Variants in PPP4R4 observed in about 807,000 individuals in gnomAD.
PPP4R4 encodes protein phosphatase 4 regulatory subunit 4.
PPP4R4 carries 70 observed loss-of-function variants against 121.8 expected under a neutral mutation model. The ratio of observed to expected loss-of-function variants is 0.57; its 90% CI spans 0.47 to 0.70. PPP4R4 has a LOEUF of 0.70. PPP4R4 is among the 30% of genes least tolerant of loss of function. The pLI, the probability that PPP4R4 is intolerant of heterozygous loss-of-function variation, is 0.00. For missense variants in PPP4R4, 875 were observed against 1,033.6 expected, an observed-to-expected ratio of 0.85 and a Z score of 2.10; for synonymous variants, 348 against 355.7, an observed-to-expected ratio of 0.98 and a Z score of 0.24.
rs781241354 is a variant in PPP4R4 at position 94,237,584 on chromosome 14, G to A, written c.751G>A (p.Val251Met). The change falls in exon 8 of 25, where the codon GTG becomes ATG. Residue 251 changes from valine (V) to methionine (M), a missense_variant. By Grantham distance (21) the Val-to-Met change is conservative. Coordinates refer to ENST00000304338, the MANE Select transcript of PPP4R4 (RefSeq NM_058237.2). ...GTGCAGGACAGAACTTACAAAAAGT[G>A]TGGTGCTCCCTGAATTAATAGAACT... ...QGIGTELTKS[V>M]VLPELIELSR... The A allele has an allele frequency of 2.5e-6, 4 of 1,612,816 alleles. No individual in the cohort carries two copies. Among genetic ancestry groups the A allele is most frequent in the African/African-American group, 1.3e-5 (1 of 75,016 alleles).
intron 2 of PPP4R4, among the ~76,000 whole-genome samples, chr14:94,185,837 CTAAGTT>C (rs760723138): frequency 4.1e-4 from 62 of 152,342 alleles, no homozygotes; most frequent in Non-Finnish European, 4.4e-4. Flanking sequence ...TTTAAATAAA[CTAAGTT>C]TATAGTTTGA....
intron 23 of PPP4R4, among the ~76,000 whole-genome samples, chr14:94,273,251 A>G (rs911366766): frequency 1.3e-5 from 2 of 152,228 alleles, no homozygotes; most frequent in African/African-American, 4.8e-5. Context: ...AGGTAGATGA[A>G]TAAACAAACT....
At chr14:94,203,077 T>C (rs890851539) in intron 2 of PPP4R4, among the ~76,000 whole-genome samples, 6 of 152,220 alleles carry the variant, frequency 3.9e-5, no homozygotes, top group African/African-American at 1.4e-4. Context: ...TTTATCCAGT[T>C]TTCCCCTATA....
At chr14:94,277,060 A>G (rs938783018) in intron 24 of PPP4R4, among the ~76,000 whole-genome samples, 2 of 152,194 alleles carry the variant, frequency 1.3e-5, no homozygotes, top group Non-Finnish European at 2.9e-5. Flanking sequence ...GCAATATGGG[A>G]GGCCGAGGCA....
chr14:94,203,244 T>C (rs968018273), intron 2 of PPP4R4, among the ~76,000 whole-genome samples: 1 of 152,216 alleles, frequency 6.6e-6, no homozygotes, highest in Admixed American at 6.5e-5. Flanking sequence ...CTGTTCTCTA[T>C]TTGCATAACT....
chr14:94,266,692 A>G (rs369373704), intron 22 of PPP4R4, among the ~76,000 whole-genome samples: 6 of 152,226 alleles, frequency 3.9e-5, no homozygotes, highest in African/African-American at 9.6e-5. Flanking sequence ...TTTCCAAGAA[A>G]ATTTTACCCA....
At chr14:94,192,281 C>A (rs1421460681) in intron 2 of PPP4R4, among the ~76,000 whole-genome samples, 1 of 151,966 alleles carries the variant, frequency 6.6e-6, no homozygotes, top group Admixed American at 6.6e-5. Flanking sequence ...TGGAAATATG[C>A]TATATTTGAA....
At chr14:94,254,978 T>C (rs1893391707) in intron 16 of PPP4R4, among the ~76,000 whole-genome samples, 1 of 152,196 alleles carries the variant, frequency 6.6e-6, no homozygotes, top group African/African-American at 2.4e-5. Flanking sequence ...TACACATTAC[T>C]TTGGTGATCT....
chr14:94,271,546 A>G (rs1894329183), intron 23 of PPP4R4, among the ~76,000 whole-genome samples: 1 of 152,232 alleles, frequency 6.6e-6, no homozygotes, highest in Admixed American at 6.5e-5. Context: ...AAACCTACAG[A>G]TAACATCACA....
intron 7 of PPP4R4, among the ~76,000 whole-genome samples, chr14:94,236,793 T>C (rs902428446): frequency 6.6e-6 from 1 of 152,142 alleles, no homozygotes; most frequent in Non-Finnish European, 1.5e-5. Context: ...TGTCTTAGAG[T>C]CTTTGAGATT....
chr14:94,201,197 G>A (rs1049539926), intron 2 of PPP4R4, among the ~76,000 whole-genome samples: 4 of 152,086 alleles, frequency 2.6e-5, no homozygotes, highest in Non-Finnish European at 5.9e-5. Context: ...AGTACTTAAT[G>A]TAATTTTGAT....
intron 24 of PPP4R4, among the ~76,000 whole-genome samples, chr14:94,276,740 CTA>C (rs1566711653): frequency 6.6e-6 from 1 of 152,132 alleles, no homozygotes; most frequent in Non-Finnish European, 1.5e-5. Flanking sequence ...AACATCCAAA[CTA>C]TGTGTATTCC....
intron 17 of PPP4R4, among the ~76,000 whole-genome samples, chr14:94,258,319 A>G (rs1893586537): frequency 6.6e-6 from 1 of 152,210 alleles, no homozygotes; most frequent in Non-Finnish European, 1.5e-5. Context: ...TCCAAAAGAC[A>G]AATAGTAAAT....
intron 2 of PPP4R4, among the ~76,000 whole-genome samples, chr14:94,204,609 T>C (rs1482816233): frequency 6.6e-6 from 1 of 152,198 alleles, no homozygotes; most frequent in African/African-American, 2.4e-5. Flanking sequence ...ATATAATCTA[T>C]GTCTCCCGAA....
chr14:94,259,172 T>C (rs1381799911), intron 18 of PPP4R4, 123 bp from the exon 19 acceptor site: 8 of 1,458,936 alleles, frequency 5.5e-6, no homozygotes, highest in Non-Finnish European at 7.3e-6. Flanking sequence ...TTAGGGGAGC[T>C]ACAAGATGAA....
chr14:94,276,273 A>T lies in PPP4R4; in HGVS notation c.2597+752A>T, dbSNP rs181663673. The stretch of plus-strand genomic sequence containing the variant: ...CTTTTAAATGTATTTTAGTGAATGC[A>T]TGGGCATTTTTGAATAAAGTTTCTT... On this transcript the variant is annotated intron_variant, in intron 24 of 24. Coordinates refer to ENST00000304338, the MANE Select transcript of PPP4R4 (RefSeq NM_058237.2). Among the ~76,000 whole-genome samples the T allele has an allele frequency of 5.9e-5, 9 of 152,386 alleles. No individual in the cohort carries two copies. The East Asian group carries it at 9.6e-4, about 16-fold the overall frequency.
At chr14:94,231,198 G>T in intron 4 of PPP4R4, 44 bp from the exon 5 acceptor site, 1 of 1,479,278 alleles carries the variant, frequency 6.8e-7, no homozygotes, top group Non-Finnish European at 9.4e-7. Flanking sequence ...AACTGAATTT[G>T]AAGTGAGACG....
intron 2 of PPP4R4, among the ~76,000 whole-genome samples, chr14:94,200,726 C>T (rs1304111488): frequency 1.3e-5 from 2 of 151,252 alleles, no homozygotes; most frequent in Admixed American, 1.3e-4. Context: ...CTTCTCTCTT[C>T]TTGGTTAATC....
In PPP4R4 at chr14:94,240,632, G is replaced by A. The variant is rs149782094; in HGVS notation, c.854-41G>A. 3,245 of 1,571,768 alleles carry A rather than the reference G, an allele frequency of 2.1e-3. 69 individuals are homozygous for A. The East Asian group carries it at 0.024, about 12-fold the overall frequency. The stretch of plus-strand genomic sequence containing the variant: ...TAGTTTCCACATGTGCAATGTGGAC[G>A]ACTGAATTTAAAGTATGTATTATTT... On this transcript the variant is annotated intron_variant, in intron 8 of 24. Transcript: ENST00000304338.
Sources: gnomAD v4.1 joint callset for allele counts (sites outside exome capture counted in the v4.1 genomes callset) on GRCh38, gnomAD v4.1.1 for gene constraint, MANE v1.5 for transcripts, NCBI Gene and HGNC (gene_info 2026-07-23, HGNC 2026-07-21) for gene names.